The following KCNH1 variants were observed in gnomAD, a reference collection of about 807,000 sequenced individuals.
KCNH1 encodes the protein voltage-gated delayed rectifier potassium channel KCNH1.
In KCNH1, 27 loss-of-function variants were observed where a neutral mutation model predicts 69.2. That is an observed-to-expected ratio of 0.39 (90% CI 0.29 to 0.54). KCNH1 has a LOEUF of 0.54. Among genes scored for constraint, KCNH1 ranks in the 20% least tolerant of loss-of-function variants. The pLI is 0.68. For synonymous variants in KCNH1, 456 were observed against 487.7 expected (o/e 0.93, Z 0.86); for missense variants, 798 against 1,261.6 (o/e 0.63, Z 5.57).
intron 6 of KCNH1, among the ~76,000 whole-genome samples, chr1:210,925,081 A>C (rs114119909): frequency 6.6e-6 from 1 of 152,236 alleles, no homozygotes; most frequent in African/African-American, 2.4e-5. Flanking sequence ...TCAATGTAGG[A>C]ACAAAGGAAA....
intron 2 of KCNH1, among the ~76,000 whole-genome samples, chr1:211,104,153 T>C (rs577523612): frequency 6.6e-6 from 1 of 152,196 alleles, no homozygotes; most frequent in East Asian, 1.9e-4. Flanking sequence ...CAACAGATAA[T>C]ATAGAGAAGT....
At chr1:210,779,725 T>TG (rs1250661632) in intron 9 of KCNH1, among the ~76,000 whole-genome samples, 2 of 151,446 alleles carry the variant, frequency 1.3e-5, no homozygotes, top group African/African-American at 4.9e-5. Flanking sequence ...CATTCTGAGC[T>TG]GGGAAAAAAA....
At chr1:210,762,048 A>C (rs1574240653) in intron 10 of KCNH1, among the ~76,000 whole-genome samples, 1 of 152,182 alleles carries the variant, frequency 6.6e-6, no homozygotes, top group South Asian at 2.1e-4. Flanking sequence ...CAGTGGAATA[A>C]AAATAGAAAT....
At position 210,872,761 on chromosome 1, in the gene KCNH1, C is replaced by T. The variant is rs116444005; in HGVS notation, c.1462+46879G>A. Among the ~76,000 whole-genome samples, 594 of 152,238 alleles carry T rather than the reference C, an allele frequency of 3.9e-3. 6 individuals carry two copies. Among genetic ancestry groups the T allele is most frequent in the African/African-American group, 0.014 (566 of 41,530 alleles). On this transcript the variant is annotated intron_variant, in intron 7 of 10. Transcript: ENST00000271751. ...CAGCACTGAGCAGATGATGCTACGC[C>T]ATTCATAAGAACTCTGCCCCCATGA...
chr1:210,731,024 C>A (rs144905463), intron 10 of KCNH1, among the ~76,000 whole-genome samples: 2 of 152,250 alleles, frequency 1.3e-5, no homozygotes, highest in African/African-American at 4.8e-5. Context: ...GTTCACAAGA[C>A]AGCTGAATCT....
intron 6 of KCNH1, among the ~76,000 whole-genome samples, chr1:210,941,438 T>G (rs1574351134): frequency 6.6e-6 from 1 of 152,180 alleles, no homozygotes; most frequent in East Asian, 1.9e-4. Flanking sequence ...AAAAAGCTGG[T>G]TTAGATGTGC....
At chr1:210,832,907 C>CATATATATATATATATATAT (rs367619819) in intron 7 of KCNH1, among the ~76,000 whole-genome samples, 2,176 of 110,432 alleles carry the variant, frequency 0.02, 83 homozygotes, top group South Asian at 0.036. Flanking sequence ...TTCTCAAATA[C>CATATATATATATATATATAT]ATATATATAT....
At position 210,775,776 on chromosome 1, in the gene KCNH1, T is replaced by C. The variant is rs1123489; in HGVS notation, c.1916-232A>G. ...CCAAAGTTTAATCACTTTGAGATCA[T>C]TTATGTCACCTCCTCAAAGGGTTAT... On this transcript the variant is annotated intron_variant, in intron 9 of 10. Transcript: ENST00000271751. Among the ~76,000 whole-genome samples the C allele has an allele frequency of 0.15, 23,589 of 152,236 alleles. 2,456 individuals are homozygous for C. Among genetic ancestry groups the C allele is most frequent in the Non-Finnish European group, 0.24 (16,141 of 68,008 alleles).
intron 5 of KCNH1, among the ~76,000 whole-genome samples, chr1:211,028,387 A>T (rs978939089): frequency 6.6e-6 from 1 of 151,802 alleles, no homozygotes; most frequent in Non-Finnish European, 1.5e-5. Flanking sequence ...CTAAGCTCCC[A>T]CCTCAAGAAT....
intron 6 of KCNH1, among the ~76,000 whole-genome samples, chr1:211,000,648 A>C (rs1689157619): frequency 6.6e-6 from 1 of 152,228 alleles, no homozygotes; most frequent in African/African-American, 2.4e-5. Context: ...TCTTCACAAA[A>C]TTGGAAAAAA....
At chr1:210,872,397 C>A (rs1422825773) in intron 7 of KCNH1, among the ~76,000 whole-genome samples, 1 of 152,054 alleles carries the variant, frequency 6.6e-6, no homozygotes, top group African/African-American at 2.4e-5. Context: ...TCCTATTTTA[C>A]AAAAAAGAGT....
chr1:211,093,179 A>G (rs1198261329), intron 3 of KCNH1, among the ~76,000 whole-genome samples: 1 of 152,106 alleles, frequency 6.6e-6, no homozygotes, highest in Non-Finnish European at 1.5e-5. Context: ...TCATTTGACT[A>G]CAGGGGTGGA....
At chr1:210,933,123 A>T (rs1337983752) in intron 6 of KCNH1, among the ~76,000 whole-genome samples, 1 of 152,216 alleles carries the variant, frequency 6.6e-6, no homozygotes, top group African/African-American at 2.4e-5. Flanking sequence ...CAAATGTCCA[A>T]CAATGATAGA....
At chr1:210,718,677 C>T (rs1682370630) in intron 10 of KCNH1, among the ~76,000 whole-genome samples, 2 of 109,582 alleles carry the variant, frequency 1.8e-5, no homozygotes, top group African/African-American at 8.3e-5. Context: ...CACACACACA[C>T]ACACACACAC....
At chr1:210,686,122 C>T (rs902030554) in intron 10 of KCNH1, among the ~76,000 whole-genome samples, 2 of 152,180 alleles carry the variant, frequency 1.3e-5, no homozygotes, top group African/African-American at 4.8e-5. Context: ...GTCTGCCTTG[C>T]AGATCCAAGA....
chr1:211,061,722 G>A (rs1373451714), intron 5 of KCNH1, among the ~76,000 whole-genome samples: 1 of 152,064 alleles, frequency 6.6e-6, no homozygotes, highest in Non-Finnish European at 1.5e-5. Context: ...ATTTGCAATA[G>A]CTACAGATAA....
intron 3 of KCNH1, among the ~76,000 whole-genome samples, chr1:211,094,083 T>A (rs145437493): frequency 6.6e-6 from 1 of 152,298 alleles, no homozygotes; most frequent in African/African-American, 2.4e-5. Context: ...ATTGCAGTAG[T>A]CCCCAACCTT....
chr1:210,878,828 C>T (rs1391720018), intron 7 of KCNH1, among the ~76,000 whole-genome samples: 1 of 151,854 alleles, frequency 6.6e-6, no homozygotes, highest in Non-Finnish European at 1.5e-5. Flanking sequence ...TAGAGAAAAT[C>T]AACAAAGCCA....
intron 1 of KCNH1, among the ~76,000 whole-genome samples, chr1:211,107,751 A>T (rs1306325560): frequency 6.6e-6 from 1 of 152,236 alleles, no homozygotes; most frequent in Non-Finnish European, 1.5e-5. Flanking sequence ...AAAGTAATTT[A>T]TTCTGAGCTC....
Sources: allele counts gnomAD v4.1 joint callset (sites outside exome capture counted in the v4.1 genomes callset), GRCh38; gene constraint gnomAD v4.1.1; transcripts MANE v1.5; gene names NCBI Gene and HGNC (gene_info 2026-07-23, HGNC 2026-07-21).